Variants in HCN1 observed in about 807,000 individuals in gnomAD.
HCN1 encodes potassium/sodium hyperpolarization-activated cyclic nucleotide-gated channel 1.
In HCN1, 13 loss-of-function variants were observed where a neutral mutation model predicts 78.9. That is an observed-to-expected ratio of 0.16 (90% CI 0.11 to 0.26). The LOEUF (loss-of-function observed/expected upper bound fraction) is 0.26, where lower values mean the gene tolerates loss of function less well. Ranked by LOEUF, HCN1 falls within the 10% of genes least tolerant of loss-of-function variation. The pLI is 1.00. For missense variants in HCN1, 810 were observed against 1,154.3 expected (o/e 0.70, Z 4.32); for synonymous variants, 552 against 455.5 (o/e 1.21, Z -2.70).
chr5:45,613,227 T>G (rs948273068), intron 2 of HCN1, among the ~76,000 whole-genome samples: 1 of 146,970 alleles, frequency 6.8e-6, no homozygotes, highest in African/African-American at 2.5e-5. Context: ...ATTGTTCAAT[T>G]CCCACCTATG....
intron 2 of HCN1, among the ~76,000 whole-genome samples, chr5:45,620,220 T>A (rs1454480054): frequency 6.6e-6 from 1 of 152,054 alleles, no homozygotes; most frequent in African/African-American, 2.4e-5. Flanking sequence ...GCATGACAAC[T>A]AATAGTGATG....
intron 3 of HCN1, among the ~76,000 whole-genome samples, chr5:45,403,484 G>C (rs1739862813): frequency 6.6e-6 from 1 of 152,140 alleles, no homozygotes; most frequent in Non-Finnish European, 1.5e-5. Flanking sequence ...TTTCTTCACA[G>C]GGTGGCAGGA....
At chr5:45,653,597 TA>T (rs1745716457) in intron 1 of HCN1, among the ~76,000 whole-genome samples, 1 of 152,036 alleles carries the variant, frequency 6.6e-6, no homozygotes. Context: ...TAGCAAATAG[TA>T]TATATACTGC....
intron 2 of HCN1, among the ~76,000 whole-genome samples, chr5:45,555,015 C>T (rs932955943): frequency 2.0e-5 from 3 of 151,618 alleles, no homozygotes; most frequent in Admixed American, 2.0e-4. Context: ...GGCAACACAC[C>T]CAAAGCAAAA....
Position 45,334,564 on chromosome 5 carries a change from G to A in HCN1, c.1377+18536C>T, listed in dbSNP as rs186525622. On this transcript the variant is annotated intron_variant, in intron 5 of 7. Transcript: ENST00000303230. ...ATGTGTTCATGTCTTGTTTCTCCAA[G>A]AATATAGTAAGTACTTCCTTTGAGA... 3.0e-3 allele frequency among the ~76,000 whole-genome samples: 448 copies of A among 151,792 alleles called. 2 individuals carry two copies. Among genetic ancestry groups the A allele is most frequent in the African/African-American group, 0.01 (424 of 41,436 alleles).
intron 3 of HCN1, among the ~76,000 whole-genome samples, chr5:45,450,601 AC>A (rs1462529062): frequency 3.7e-4 from 56 of 152,344 alleles, no homozygotes; most frequent in African/African-American, 1.3e-3. Flanking sequence ...AAACTGCTAG[AC>A]AAATAAATAA....
intron 3 of HCN1, among the ~76,000 whole-genome samples, chr5:45,437,765 A>G (rs1740585861): frequency 6.6e-6 from 1 of 152,242 alleles, no homozygotes; most frequent in Non-Finnish European, 1.5e-5. Context: ...TTACCCTGAA[A>G]CTTAGCAGTT....
intron 3 of HCN1, among the ~76,000 whole-genome samples, chr5:45,401,343 A>T (rs535198309): frequency 6.6e-6 from 1 of 152,198 alleles, no homozygotes; most frequent in South Asian, 2.1e-4. Flanking sequence ...TCTCTAATGA[A>T]ATTTTTTTTT....
intron 5 of HCN1, among the ~76,000 whole-genome samples, chr5:45,348,897 G>C (rs897133927): frequency 6.6e-6 from 1 of 152,108 alleles, no homozygotes; most frequent in African/African-American, 2.4e-5. Context: ...CCTACAAAGA[G>C]ACTTAGACTC....
intron 2 of HCN1, among the ~76,000 whole-genome samples, chr5:45,493,221 T>A (rs2111705853): frequency 6.6e-6 from 1 of 152,136 alleles, no homozygotes; most frequent in Non-Finnish European, 1.5e-5. Flanking sequence ...GAATGACAAA[T>A]CTGCAATGAC....
At chr5:45,610,200 C>A (rs1379937131) in intron 2 of HCN1, among the ~76,000 whole-genome samples, 1 of 151,936 alleles carries the variant, frequency 6.6e-6, no homozygotes. Flanking sequence ...AACTTGAACC[C>A]TTTTTTCTGT....
In HCN1 at chr5:45,387,438, T is replaced by C. The variant is rs950815645; in HGVS notation, c.1230+9054A>G. ...CAATTGAAAATTCAGGGGAAAACTA[T>C]TGGTAAATAAATATTTTACATACTG... On this transcript the variant is annotated intron_variant, in intron 4 of 7. Coordinates refer to ENST00000303230, the MANE Select transcript of HCN1 (RefSeq NM_021072.4). Among the ~76,000 whole-genome samples the C allele has an allele frequency of 2.0e-5, 3 of 152,092 alleles. No individual in the cohort carries two copies. In the East Asian group the frequency reaches 5.8e-4, roughly 29 times the overall value.
chr5:45,664,373 G>C (rs1178761557), intron 1 of HCN1, among the ~76,000 whole-genome samples: 1 of 144,120 alleles, frequency 6.9e-6, no homozygotes, highest in South Asian at 2.2e-4. Context: ...CACGTTAGTG[G>C]GTGCAGCGCA....
At position 45,375,686 on chromosome 5, in the gene HCN1, A is replaced by G. The variant is rs1361114772; in HGVS notation, c.1230+20806T>C. 3.6e-5 allele frequency among the ~76,000 whole-genome samples: 4 copies of G among 110,478 alleles called. No homozygotes were observed. The East Asian group carries it at 1.0e-3, about 28-fold the overall frequency. The allele number at this position is 110,478 out of a possible 152,430, so 72.5% of individuals were successfully genotyped here. A position where few individuals can be genotyped will look rare whatever the true frequency, so the allele number is the denominator to read the frequency against. ...TCATATTTTATGATACATATTATAT[A>G]TAAGATCATATTTTATGATACATAT... On this transcript the variant is annotated intron_variant, in intron 4 of 7. Coordinates refer to ENST00000303230, the MANE Select transcript of HCN1 (RefSeq NM_021072.4).
At chr5:45,526,419 C>A (rs373619208) in intron 2 of HCN1, among the ~76,000 whole-genome samples, 1 of 152,066 alleles carries the variant, frequency 6.6e-6, no homozygotes. Context: ...CACTGGCCTT[C>A]GGCCTTCATG....
chr5:45,632,732 A>T (rs941696672), intron 2 of HCN1, among the ~76,000 whole-genome samples: 1 of 152,026 alleles, frequency 6.6e-6, no homozygotes, highest in Non-Finnish European at 1.5e-5. Context: ...TGGTGGAAAG[A>T]ATGCATTGGT....
intron 6 of HCN1, among the ~76,000 whole-genome samples, chr5:45,286,203 A>G (rs973701731): frequency 4.6e-5 from 7 of 152,062 alleles, no homozygotes; most frequent in African/African-American, 1.7e-4. Context: ...ACCTACTTAT[A>G]TGGTTTAAAA....
chr5:45,334,170 A>G (rs543641324), intron 5 of HCN1, among the ~76,000 whole-genome samples: 3 of 152,016 alleles, frequency 2.0e-5, no homozygotes, highest in Admixed American at 6.6e-5. Flanking sequence ...CACATATATA[A>G]AACTATAACT....
At chr5:45,552,089 G>A (rs1424594946) in intron 2 of HCN1, among the ~76,000 whole-genome samples, 2 of 151,890 alleles carry the variant, frequency 1.3e-5, no homozygotes, top group Admixed American at 1.3e-4. Context: ...GAAGGAGATA[G>A]TGGTTAACAC....
Sources: allele counts gnomAD v4.1 joint callset (sites outside exome capture counted in the v4.1 genomes callset), GRCh38; gene constraint gnomAD v4.1.1; transcripts MANE v1.5; gene names NCBI Gene and HGNC (gene_info 2026-07-23, HGNC 2026-07-21).